The following ARIH1 variants were observed in gnomAD, a reference collection of about 807,000 sequenced individuals.
ARIH1 encodes the protein ariadne RBR E3 ubiquitin protein ligase 1.
A neutral mutation model predicts 85.0 loss-of-function variants in ARIH1; 8 were observed. That is an observed-to-expected ratio of 0.09 (90% CI 0.06 to 0.17). ARIH1 has a LOEUF of 0.17. ARIH1 is among the 10% of genes least tolerant of loss of function. ARIH1 has a pLI of 1.00. For synonymous variants in ARIH1, 238 were observed against 253.6 expected, an observed-to-expected ratio of 0.94 and a Z score of 0.59; for missense variants, 311 against 718.1, an observed-to-expected ratio of 0.43 and a Z score of 6.48.
rs142510120 is a variant in ARIH1, at chr15:72,578,418, G to A, written c.1216-2313G>A. ...TCCAGAGTACCGTGTGCATCTTTAC[G>A]TTTGTTTACATTTCTCTCAATGTGA... On this transcript the variant is annotated intron_variant, in intron 11 of 13. Coordinates refer to ENST00000379887, the MANE Select transcript of ARIH1 (RefSeq NM_005744.5). Among the ~76,000 whole-genome samples, 7 of 152,100 alleles carry A rather than the reference G, an allele frequency of 4.6e-5. No homozygotes were observed. The East Asian group carries it at 5.8e-4, about 13-fold the overall frequency.
intron 2 of ARIH1, among the ~76,000 whole-genome samples, chr15:72,536,252 T>C (rs1416612824): frequency 6.6e-6 from 1 of 152,220 alleles, no homozygotes; most frequent in Non-Finnish European, 1.5e-5. Context: ...CATACTTTTA[T>C]TTTTATCTTT....
At chr15:72,572,226 A>G (rs1013738292) in intron 11 of ARIH1, 61 bp downstream of exon 11, 2 of 1,171,628 alleles carry the variant, frequency 1.7e-6, no homozygotes, top group Admixed American at 2.3e-5. Context: ...ATTCATATTC[A>G]TTAGAGAATA....
intron 1 of ARIH1, among the ~76,000 whole-genome samples, chr15:72,497,702 A>G (rs1467622457): frequency 6.6e-6 from 1 of 152,184 alleles, no homozygotes; most frequent in Non-Finnish European, 1.5e-5. Context: ...TTATGCTTCT[A>G]AAAAGAAGAG....
intron 11 of ARIH1, chr15:72,572,402 T>A (rs867836460): frequency 3.2e-6 from 1 of 317,010 alleles, no homozygotes. Flanking sequence ...CACACCCTGC[T>A]AATTTTTGTA....
intron 1 of ARIH1, among the ~76,000 whole-genome samples, chr15:72,498,569 G>A (rs1306770553): frequency 1.3e-5 from 2 of 152,168 alleles, no homozygotes; most frequent in Non-Finnish European, 2.9e-5. Context: ...TCTTGGTCTG[G>A]CGTGGTGGCT....
At chr15:72,565,894 A>G (rs1015003456) in intron 7 of ARIH1, among the ~76,000 whole-genome samples, 1 of 152,194 alleles carries the variant, frequency 6.6e-6, no homozygotes, top group African/African-American at 2.4e-5. Flanking sequence ...ACTTTTTGCC[A>G]TTCGTAAATT....
chr15:72,520,301 C>T (rs916906725), intron 2 of ARIH1, among the ~76,000 whole-genome samples: 1 of 151,316 alleles, frequency 6.6e-6, no homozygotes, highest in African/African-American at 2.4e-5. Context: ...CTTTTTGTCT[C>T]ATTTAATGAT....
At chr15:72,475,300 C>T in intron 1 of ARIH1, 1 of 481,372 alleles carries the variant, frequency 2.1e-6, no homozygotes, top group Non-Finnish European at 3.3e-6. Flanking sequence ...TCTGCCAGTC[C>T]CTGGGCCGGG....
chr15:72,512,410 A>G (rs2063954577), intron 1 of ARIH1, among the ~76,000 whole-genome samples: 1 of 151,918 alleles, frequency 6.6e-6, no homozygotes, highest in Non-Finnish European at 1.5e-5. Context: ...TGAGTTGATG[A>G]ATTTAATGGG....
intron 2 of ARIH1, among the ~76,000 whole-genome samples, chr15:72,543,965 T>C (rs750500107): frequency 3.3e-5 from 5 of 152,152 alleles, no homozygotes; most frequent in Non-Finnish European, 7.4e-5. Flanking sequence ...TTTACTGTTA[T>C]CTTAACCACC....
intron 2 of ARIH1, among the ~76,000 whole-genome samples, chr15:72,534,959 C>CTTTTTTTTTTTTTT (rs59841210): frequency 4.1e-5 from 3 of 73,802 alleles, no homozygotes; most frequent in Non-Finnish European, 7.0e-5. Context: ...TGTCTGTATT[C>CTTTTTTTTTTTTTT]TTTTTTTTTT....
At position 72,582,636 on chromosome 15, in the gene ARIH1, G is replaced by A. The variant is rs952376458; in HGVS notation, c.1589+449G>A. On this transcript the variant is annotated intron_variant, in intron 13 of 13. Transcript: ENST00000379887. This position sits in a 1 kb window ranked among gnomAD's most constrained non-coding sequence, Gnocchi z 4.6. ...TAAGGAGATACTTGTCCTAGGAGTCGATTTTTCAAGATGTGCCGCCTCTTA... is the reference window on the plus strand; with the variant it reads ...TAAGGAGATACTTGTCCTAGGAGTCAATTTTTCAAGATGTGCCGCCTCTTA... Among the ~76,000 whole-genome samples, 3 of 151,550 alleles carry A rather than the reference G, an allele frequency of 2.0e-5. No individual in the cohort carries two copies. Among genetic ancestry groups the A allele is most frequent in the African/African-American group, 4.8e-5 (2 of 41,276 alleles).
chr15:72,478,949 C>T (rs761784831), intron 1 of ARIH1, among the ~76,000 whole-genome samples: 10 of 152,200 alleles, frequency 6.6e-5, no homozygotes, highest in African/African-American at 1.2e-4. Flanking sequence ...GTGATTCTCC[C>T]GCCTCAGCCT....
intron 1 of ARIH1, among the ~76,000 whole-genome samples, chr15:72,504,227 G>A (rs947988462): frequency 2.0e-5 from 3 of 152,034 alleles, no homozygotes; most frequent in South Asian, 2.1e-4. Context: ...ACTAATTTTT[G>A]TATTTTTAGT....
intron 1 of ARIH1, among the ~76,000 whole-genome samples, chr15:72,507,501 T>C (rs1005993711): frequency 3.3e-5 from 5 of 152,082 alleles, no homozygotes; most frequent in African/African-American, 9.7e-5. Context: ...TCCCCCCATA[T>C]TCTGATATAT....
chr15:72,575,772 C>G (rs2064268153), intron 11 of ARIH1, among the ~76,000 whole-genome samples: 1 of 152,110 alleles, frequency 6.6e-6, no homozygotes, highest in Non-Finnish European at 1.5e-5. Context: ...AAATGCCAAG[C>G]AGATTTTCCA....
chr15:72,538,995 G>GT (rs534479631), intron 2 of ARIH1, among the ~76,000 whole-genome samples: 102 of 152,252 alleles, frequency 6.7e-4, no homozygotes, highest in African/African-American at 2.4e-3. Flanking sequence ...ACTGCTGCTT[G>GT]TTTTTTTACT....
In ARIH1 at chr15:72,474,428, C is replaced by T. The variant is rs890381870; in HGVS notation, c.-212C>T. 6 of 621,432 alleles carry T rather than the reference C, an allele frequency of 9.7e-6. No individual in the cohort carries two copies. The Admixed American group carries it at 1.3e-4, about 13-fold the overall frequency. The allele number at this position is 621,432 out of a possible 1,614,324, so 38.5% of individuals were successfully genotyped here. The stretch of plus-strand genomic sequence containing the variant: ...TGACTGAGGCGGGCAGCAAGCGGCC[C>T]CCTCGCTCCCTCCCTCCCTCCTCCG... On this transcript the variant is annotated 5_prime_UTR_variant, in exon 1 of 14. Transcript: ENST00000379887.
At position 72,475,185 on chromosome 15, in the gene ARIH1, G is replaced by A. The variant is rs903374515; in HGVS notation, c.375+171G>A. On this transcript the variant is annotated intron_variant, in intron 1 of 13. Transcript: ENST00000379887. ...GGGATAGAGGGTGTCGAAAGCAGAG[G>A]TTCGCCGATTAGCCGGGTGTGGGGA... 120 of 1,333,454 alleles carry A rather than the reference G, an allele frequency of 9.0e-5. 1 individual carries two copies. In the East Asian group the frequency reaches 2.0e-3, roughly 22 times the overall value. The allele number at this position is 1,333,454 out of a possible 1,614,324, so 82.6% of individuals were successfully genotyped here.
Sources: gnomAD v4.1 joint callset for allele counts (sites outside exome capture counted in the v4.1 genomes callset) on GRCh38, gnomAD v4.1.1 for gene constraint, Gnocchi (gnomAD v3.1) non-coding constraint, MANE v1.5 for transcripts, NCBI Gene and HGNC (gene_info 2026-07-23, HGNC 2026-07-21) for gene names.